Variants in USP43 observed in about 807,000 individuals in gnomAD.
The protein encoded by USP43 is ubiquitin specific peptidase 43.
USP43 carries 33 observed loss-of-function variants against 90.7 expected under a neutral mutation model. The ratio of observed to expected loss-of-function variants is 0.36; its 90% CI spans 0.28 to 0.49. The LOEUF is 0.49. Ranked by LOEUF, USP43 falls within the 20% of genes least tolerant of loss-of-function variation. The probability of loss-of-function intolerance (pLI) is 0.98; values close to 1 mark genes in which losing one functional copy is unlikely to be tolerated. For missense variants in USP43, 1,274 were observed against 1,476.4 expected, an observed-to-expected ratio of 0.86 and a Z score of 2.25; for synonymous variants, 598 against 615.8, an observed-to-expected ratio of 0.97 and a Z score of 0.43.
Position 9,701,207 on chromosome 17 carries a change from T to G in USP43, c.1624T>G (p.Leu542Val). ...GGCGCATCAGCAGCACAGCTGTACC[T>G]TGGATGAATGTTTTCAGTTCTACAC... is the stretch of plus-strand genomic sequence containing the variant. ...QQAHQQHSCTLDECFQFYTKE... is the reference protein window; with the variant it reads ...QQAHQQHSCTVDECFQFYTKE... The change falls in exon 11 of 15, where the codon TTG (leucine) becomes GTG (valine). Residue 542 changes from leucine (L) to valine (V), a missense_variant. Leu to Val is a conservative substitution (Grantham distance 32). Around this residue, in one of 6 missense-constraint regions of USP43, gnomAD observed 253 missense variants for 276.0 expected, o/e 0.92. Transcript: ENST00000285199. This position sits in a 1 kb window ranked among gnomAD's most constrained non-coding sequence, Gnocchi z 7.2. 2 of 1,599,596 alleles carry G rather than the reference T, an allele frequency of 1.3e-6. No individual in the cohort carries two copies. Among genetic ancestry groups the G allele is most frequent in the Non-Finnish European group, 8.5e-7 (1 of 1,172,542 alleles).
chr17:9,646,059 G>A lies in USP43; in HGVS notation c.427G>A (p.Val143Ile), dbSNP rs1205880582. Residue 143 changes from valine to isoleucine, a missense_variant, in exon 1 of 15, where the codon GTC becomes ATC. Transcript: ENST00000285199. Reference protein sequence around the residue: ...RYRAAPGRAEVTEQLAALVRA... With the variant: ...RYRAAPGRAEITEQLAALVRA... ...CCGGGCGGCTCCGGGCCGCGCCGAG[G>A]TCACCGAGCAGCTGGCGGCGCTGGT... 6.6e-7 allele frequency: 1 copy of A among 1,506,600 alleles called. No homozygotes were observed. The highest frequency in any genetic ancestry group is 8.9e-7 in the Non-Finnish European group (1 of 1,128,528). 93.3% of individuals were successfully genotyped at this position (1,506,600 alleles called of 1,614,324 possible). A position where few individuals can be genotyped will look rare whatever the true frequency, so the allele number is the denominator to read the frequency against.
rs538900826 is a variant in USP43, at chr17:9,686,685, C to A, written c.1242-113C>A. The A allele has an allele frequency of 1.6e-5, 13 of 832,042 alleles. No homozygotes were observed. In the South Asian group the frequency reaches 2.0e-4, roughly 13 times the overall value. 51.5% of individuals were successfully genotyped at this position (832,042 alleles called of 1,614,324 possible). On this transcript the variant is annotated intron_variant, in intron 7 of 14. Coordinates refer to ENST00000285199, the MANE Select transcript of USP43 (RefSeq NM_153210.5). This position sits in a 1 kb window ranked among gnomAD's most constrained non-coding sequence, Gnocchi z 5.5. ...TTTGCTGTTGAGTTTTTGTGCTTAG[C>A]TCTTGTCACTTATCCTATTGACAGG...
In USP43 at chr17:9,701,334, G is replaced by A. The variant is rs755795923; in HGVS notation, c.1663-18G>A. 69 of 1,589,250 alleles carry A rather than the reference G, an allele frequency of 4.3e-5. No homozygotes were observed. Among genetic ancestry groups the A allele is most frequent in the East Asian group, 3.7e-4 (16 of 43,710 alleles). On this transcript the variant is annotated intron_variant, in intron 11 of 14. Transcript: ENST00000285199. This position sits in a 1 kb window ranked among gnomAD's most constrained non-coding sequence, Gnocchi z 7.2. ...ACGTGCTGCGGGGGCCTCACAGTCC[G>A]GGTGGTTTGCTTTCCAGCTGGCCCA...
chr17:9,666,672 T>C lies in USP43; in HGVS notation c.661T>C (p.Ser221Pro). ...GCTTCCGCCTGAAGCCACTAAAACC[T>C]CTGAGAACTGCCTGTCACCATCAGC... Reference protein sequence around the residue: ...EKLPPEATKTSENCLSPSAQL... With the variant: ...EKLPPEATKTPENCLSPSAQL... Residue 221 changes from serine to proline, a missense_variant, in exon 3 of 15, where the codon TCT (serine) becomes CCT (proline). By Grantham distance (74) the Ser-to-Pro change is moderately conservative (BLOSUM62 -1). Transcript: ENST00000285199. 1 of 1,613,276 alleles carries C rather than the reference T, an allele frequency of 6.2e-7. No homozygotes were observed. The highest frequency in any genetic ancestry group is 1.1e-5 in the South Asian group (1 of 90,856).
At chr17:9,699,141 G>T (rs34623752) in intron 9 of USP43, among the ~76,000 whole-genome samples, 6 of 152,220 alleles carry the variant, frequency 3.9e-5, no homozygotes, top group African/African-American at 1.4e-4. Context: ...GTAGGACATA[G>T]GTAGGCCTAA....
Position 9,700,233 on chromosome 17 carries a change from A to C in USP43, c.1519A>C (p.Ser507Arg). Residue 507 changes from serine (S) to arginine (R), a missense_variant, in exon 10 of 15, where the codon AGC becomes CGC. Ser to Arg is a moderately radical substitution (Grantham distance 110). This residue lies in a region of USP43 where 253 missense variants were observed against 276.0 expected (regional missense o/e 0.92). Transcript: ENST00000285199. ...TGTCAAGCTGGCGGTGGAGTGGGAT[A>C]GCTCTGTCAAGGAGCGGTGAGTTCA... Reference protein sequence around the residue: ...PHVKLAVEWDSSVKERLFGSL... With the variant: ...PHVKLAVEWDRSVKERLFGSL... The C allele has an allele frequency of 6.2e-7, 1 of 1,601,170 alleles. No individual in the cohort carries two copies. Among genetic ancestry groups the C allele is most frequent in the East Asian group, 2.2e-5 (1 of 44,502 alleles).
intron 2 of USP43, among the ~76,000 whole-genome samples, chr17:9,664,204 C>G (rs576597327): frequency 6.6e-6 from 1 of 152,318 alleles, no homozygotes; most frequent in Non-Finnish European, 1.5e-5. Context: ...AAACACTCCT[C>G]CCCATCACCT....
At chr17:9,721,992 T>C (rs1213094416) in intron 14 of USP43, among the ~76,000 whole-genome samples, 1 of 151,788 alleles carries the variant, frequency 6.6e-6, no homozygotes, top group East Asian at 1.9e-4. Flanking sequence ...TGCCTCAGCC[T>C]CCCACAATGC....
At chr17:9,702,701 C>T (rs779073702) in intron 12 of USP43, among the ~76,000 whole-genome samples, 29 of 152,132 alleles carry the variant, frequency 1.9e-4, no homozygotes, top group Admixed American at 1.6e-3. Flanking sequence ...CTCTCAGTGA[C>T]GGTGAGAAGC....
intron 5 of USP43, among the ~76,000 whole-genome samples, chr17:9,679,080 T>A (rs9892576): frequency 0.013 from 1,908 of 152,274 alleles, 41 homozygotes; most frequent in African/African-American, 0.043. Flanking sequence ...ATTTTAGCTT[T>A]ATATAGTTGA....
chr17:9,668,720 C>T (rs1913201452), intron 3 of USP43, among the ~76,000 whole-genome samples: 2 of 152,162 alleles, frequency 1.3e-5, no homozygotes, highest in African/African-American at 4.8e-5. Flanking sequence ...GAAAGCCTTG[C>T]TCATTTCCTG....
chr17:9,659,011 A>G (rs1015774037), intron 2 of USP43, among the ~76,000 whole-genome samples: 2 of 152,166 alleles, frequency 1.3e-5, no homozygotes, highest in African/African-American at 4.8e-5. Flanking sequence ...AGAAGAATGG[A>G]ATATTCTAAT....
In USP43 at chr17:9,674,580, C is replaced by T. The variant is rs1469804820; in HGVS notation, c.741-311C>T. ...GCGTGCTGTTTTCAAGGTTCATCCACGTTGTAGTATGGACCAGGGGTTCAT... is the reference window on the plus strand; with the variant it reads ...GCGTGCTGTTTTCAAGGTTCATCCATGTTGTAGTATGGACCAGGGGTTCAT... On this transcript the variant is annotated intron_variant, in intron 3 of 14. Coordinates refer to ENST00000285199, the MANE Select transcript of USP43 (RefSeq NM_153210.5). The surrounding 1 kb of genome is among the most constrained non-coding windows in gnomAD (Gnocchi z 4.4). 3.3e-5 allele frequency among the ~76,000 whole-genome samples: 5 copies of T among 152,164 alleles called. No individual in the cohort carries two copies. The highest frequency in any genetic ancestry group is 1.3e-4 in the Admixed American group (2 of 15,276).
intron 8 of USP43, among the ~76,000 whole-genome samples, chr17:9,687,823 T>C (rs1435454029): frequency 1.3e-5 from 2 of 152,218 alleles, no homozygotes; most frequent in East Asian, 3.8e-4. Flanking sequence ...GTCCCAACTT[T>C]TATCTCTAAA....
rs73257749 is a variant in USP43 at position 9,701,306 on chromosome 17, G to T, written c.1663-46G>T. ...GGGGCTGGCTGCCTTTGGTGGGTTG[G>T]CCACGTGCTGCGGGGGCCTCACAGT... On this transcript the variant is annotated intron_variant, in intron 11 of 14. Coordinates refer to ENST00000285199, the MANE Select transcript of USP43 (RefSeq NM_153210.5). The surrounding 1 kb of genome is among the most constrained non-coding windows in gnomAD (Gnocchi z 7.2). 7.3e-3 allele frequency: 11,625 copies of T among 1,587,622 alleles called. 309 individuals carry two copies. The East Asian group carries it at 0.079, about 11-fold the overall frequency.
At chr17:9,648,873 C>T (rs1002115410) in intron 1 of USP43, among the ~76,000 whole-genome samples, 1 of 146,862 alleles carries the variant, frequency 6.8e-6, no homozygotes, top group Admixed American at 6.9e-5. Flanking sequence ...CTCTCTTTTC[C>T]TTCCTTCCTT....
At chr17:9,650,920 C>G (rs561004460) in intron 1 of USP43, among the ~76,000 whole-genome samples, 1 of 151,672 alleles carries the variant, frequency 6.6e-6, no homozygotes, top group African/African-American at 2.4e-5. Flanking sequence ...ATTTCAGAGA[C>G]TTTGGTGCAC....
rs1052829630 is a variant in USP43 at position 9,709,573 on chromosome 17, G to A, written c.2012-383G>A. Among the ~76,000 whole-genome samples the A allele has an allele frequency of 1.1e-4, 16 of 151,890 alleles. No homozygotes were observed. Among genetic ancestry groups the A allele is most frequent in the Admixed American group, 3.9e-4 (6 of 15,224 alleles). ...TCTAATAAAAATATAAATATTAGCC[G>A]GGTGTGGTGGCAGGCAACTGTAATC... On this transcript the variant is annotated intron_variant, in intron 12 of 14. Transcript: ENST00000285199. The surrounding 1 kb of genome is among the most constrained non-coding windows in gnomAD (Gnocchi z 5.0).
intron 1 of USP43, among the ~76,000 whole-genome samples, chr17:9,647,248 T>G (rs1911495009): frequency 6.6e-6 from 1 of 152,080 alleles, no homozygotes; most frequent in Non-Finnish European, 1.5e-5. Flanking sequence ...GTGTTTGCCA[T>G]GTGACCCATG....
Sources: allele counts gnomAD v4.1 joint callset (sites outside exome capture counted in the v4.1 genomes callset), GRCh38; gene constraint gnomAD v4.1.1; regional missense constraint gnomAD v4.1.1; non-coding constraint Gnocchi (gnomAD v3.1); transcripts MANE v1.5; gene names NCBI Gene and HGNC (gene_info 2026-07-23, HGNC 2026-07-21).